The following RPSA2 variants were observed in gnomAD, a reference collection of about 807,000 sequenced individuals.
RPSA2 encodes the protein small ribosomal subunit protein uS2B.
At chr19:23,865,527 A>G in the RPSA2 span, among the ~76,000 whole-genome samples, 1 of 152,148 alleles carries the variant, frequency 6.6e-6, no homozygotes, top group Non-Finnish European at 1.5e-5. Flanking sequence ...GCCAGGCAAC[A>G]GAAGTCAGTT....
the RPSA2 span, among the ~76,000 whole-genome samples, chr19:23,786,334 A>G: frequency 2.0e-5 from 3 of 152,218 alleles, no homozygotes; most frequent in Non-Finnish European, 4.4e-5. Context: ...TGATTATCAC[A>G]TATGCCTATG....
chr19:23,759,758 G>A, the RPSA2 span, among the ~76,000 whole-genome samples: 2 of 151,794 alleles, frequency 1.3e-5, no homozygotes, highest in Non-Finnish European at 1.5e-5. Flanking sequence ...TCCTGACCTC[G>A]TGATTGGCCC....
chr19:23,834,244 T>G, the RPSA2 span, among the ~76,000 whole-genome samples: 1 of 152,044 alleles, frequency 6.6e-6, no homozygotes, highest in Admixed American at 6.6e-5. Flanking sequence ...TACATTCAAA[T>G]TATACTTTTT....
chr19:23,855,488 A>C, the RPSA2 span, among the ~76,000 whole-genome samples: 1 of 152,110 alleles, frequency 6.6e-6, no homozygotes, highest in Non-Finnish European at 1.5e-5. Flanking sequence ...AGGAGGTTCC[A>C]GCACGACCAG....
the RPSA2 span, among the ~76,000 whole-genome samples, chr19:23,862,740 C>G: frequency 9.7e-5 from 14 of 143,638 alleles, no homozygotes; most frequent in South Asian, 2.4e-4. Flanking sequence ...CACATGTACC[C>G]TAAAACTTAA....
the RPSA2 span, among the ~76,000 whole-genome samples, chr19:23,804,748 A>G: frequency 6.6e-6 from 1 of 152,210 alleles, no homozygotes; most frequent in African/African-American, 2.4e-5. Flanking sequence ...GAAGTGATTT[A>G]TAAGCTCATT....
the RPSA2 span, among the ~76,000 whole-genome samples, chr19:23,804,528 C>G: frequency 6.6e-6 from 1 of 151,932 alleles, no homozygotes; most frequent in Admixed American, 6.6e-5. Flanking sequence ...ATCTCCTGAC[C>G]TCGTGATCCA....
the RPSA2 span, among the ~76,000 whole-genome samples, chr19:23,782,985 G>A: frequency 6.6e-6 from 1 of 152,014 alleles, no homozygotes. Flanking sequence ...CTACTGCTTG[G>A]GGTGTGCTTA....
the RPSA2 span, among the ~76,000 whole-genome samples, chr19:23,810,735 C>T: frequency 6.6e-6 from 1 of 152,160 alleles, no homozygotes; most frequent in Non-Finnish European, 1.5e-5. Flanking sequence ...CTCAGCATAG[C>T]TATAAATGGG....
chr19:23,833,086 C>T, the RPSA2 span: 1 of 1,290,514 alleles, frequency 7.7e-7, no homozygotes, highest in Non-Finnish European at 1.0e-6. Flanking sequence ...ATCTTTTAAC[C>T]TGTCTTCAAG....
At chr19:23,814,166 C>T in the RPSA2 span, among the ~76,000 whole-genome samples, 1 of 149,582 alleles carries the variant, frequency 6.7e-6, no homozygotes, top group African/African-American at 2.5e-5. Flanking sequence ...AAGCTGAGAC[C>T]ATGCCACTGC....
chr19:23,844,300 ACTTTT>A, the RPSA2 span, among the ~76,000 whole-genome samples: 3 of 152,070 alleles, frequency 2.0e-5, no homozygotes, highest in Non-Finnish European at 2.9e-5. Context: ...TGAATTTTAA[ACTTTT>A]CTTGTATGTA....
the RPSA2 span, chr19:23,827,232 A>C: frequency 1.2e-6 from 1 of 831,440 alleles, no homozygotes; most frequent in Non-Finnish European, 2.0e-6. Flanking sequence ...GCAGGAACCC[A>C]CTTAGGTGGC....
chr19:23,849,341 CATA>C, the RPSA2 span, among the ~76,000 whole-genome samples: 147,954 of 152,098 alleles, frequency 0.97, 72,034 homozygotes, highest in East Asian at 1. Flanking sequence ...GGTAGAGGGG[CATA>C]CCTGGATTGA....
the RPSA2 span, among the ~76,000 whole-genome samples, chr19:23,855,050 TTAACAG>T: frequency 0.012 from 1,795 of 152,294 alleles, 38 homozygotes; most frequent in African/African-American, 0.04. Context: ...GTGACTCTAT[TTAACAG>T]TAGTAAAAGA....
chr19:23,815,183 CAG>C, the RPSA2 span, among the ~76,000 whole-genome samples: 8 of 152,158 alleles, frequency 5.3e-5, no homozygotes, highest in African/African-American at 1.4e-4. Context: ...TGTGTCCTAA[CAG>C]AATACACCAG....
chr19:23,864,401 T>TA, the RPSA2 span, among the ~76,000 whole-genome samples: 3 of 152,196 alleles, frequency 2.0e-5, no homozygotes, highest in African/African-American at 7.2e-5. Context: ...ATAGATGGTC[T>TA]AAAATATCCA....
the RPSA2 span, among the ~76,000 whole-genome samples, chr19:23,812,509 C>A: frequency 1.3e-5 from 2 of 150,996 alleles, no homozygotes; most frequent in Non-Finnish European, 2.9e-5. Flanking sequence ...AATTCTCCTG[C>A]CTCAGCCTCC....
the RPSA2 span, among the ~76,000 whole-genome samples, chr19:23,775,482 C>T: frequency 6.6e-6 from 1 of 152,170 alleles, no homozygotes; most frequent in Non-Finnish European, 1.5e-5. Flanking sequence ...AAGATTGCGA[C>T]TCTCACGTGT....
Sources: gnomAD v4.1 joint callset for allele counts (sites outside exome capture counted in the v4.1 genomes callset) on GRCh38, gnomAD v4.1.1 for gene constraint, MANE v1.5 for transcripts, NCBI Gene and HGNC (gene_info 2026-07-23, HGNC 2026-07-21) for gene names.